Variants in SLC18A1 observed in about 807,000 individuals in gnomAD.
The protein encoded by SLC18A1 is chromaffin granule amine transporter.
A neutral mutation model predicts 53.7 loss-of-function variants in SLC18A1; 69 were observed. The observed-to-expected ratio is 1.28, with a 90% confidence interval of 1.06 to 1.57. The LOEUF (loss-of-function observed/expected upper bound fraction) is 1.57. Ranked by LOEUF, SLC18A1 falls within the 40% of genes most tolerant of loss-of-function variation. The pLI is 0.00. For missense variants in SLC18A1, 932 were observed against 668.1 expected (o/e 1.40, Z -4.35); for synonymous variants, 320 against 248.1 (o/e 1.29, Z -2.72).
intron 8 of SLC18A1, 87 bp from the exon 9 acceptor site, chr8:20,165,194 G>A: frequency 8.4e-7 from 1 of 1,186,024 alleles, no homozygotes; most frequent in Non-Finnish European, 1.3e-6. Flanking sequence ...TACAATTATG[G>A]GCTTAGAGAC....
rs145847693 is a variant in SLC18A1, at chr8:20,169,057, C to G, written c.858+2046G>C. On this transcript the variant is annotated intron_variant, in intron 8 of 15. Transcript: ENST00000276373. The stretch of plus-strand genomic sequence containing the variant: ...ACAAGGTGAAGAAGTAATTACTACA[C>G]AAGAGACCCAGACAACACCTTGACC... Among the ~76,000 whole-genome samples the G allele has an allele frequency of 5.9e-5, 9 of 152,244 alleles. No individual in the cohort carries two copies. In the East Asian group the frequency reaches 9.7e-4, roughly 16 times the overall value.
intron 3 of SLC18A1, 123 bp from the exon 4 acceptor site, chr8:20,178,616 C>G (rs2072316313): frequency 1.4e-6 from 1 of 705,182 alleles, no homozygotes; most frequent in Non-Finnish European, 2.4e-6. Flanking sequence ...AAACATGCCT[C>G]TGAATGTAGT....
intron 10 of SLC18A1, among the ~76,000 whole-genome samples, chr8:20,153,705 G>A (rs1223982281): frequency 6.6e-6 from 1 of 151,934 alleles, no homozygotes; most frequent in Non-Finnish European, 1.5e-5. Flanking sequence ...GAGTAGTGAT[G>A]GAAGAAAAAT....
intron 8 of SLC18A1, among the ~76,000 whole-genome samples, chr8:20,166,433 C>T (rs988535680): frequency 1.3e-5 from 2 of 150,060 alleles, no homozygotes; most frequent in Non-Finnish European, 3.0e-5. Context: ...AAAAAGAATA[C>T]ATAGTGTGCT....
intron 6 of SLC18A1, among the ~76,000 whole-genome samples, chr8:20,172,616 G>A (rs1234874494): frequency 1.3e-5 from 2 of 152,170 alleles, no homozygotes; most frequent in African/African-American, 4.8e-5. Context: ...GCTGTGTGAT[G>A]TTGGATGGTG....
intron 10 of SLC18A1, among the ~76,000 whole-genome samples, chr8:20,156,435 G>A (rs986498269): frequency 6.6e-6 from 1 of 152,114 alleles, no homozygotes; most frequent in Admixed American, 6.5e-5. Flanking sequence ...GACTCAGGAG[G>A]TACCCCCTTA....
chr8:20,180,094 A>G (rs906373902), intron 2 of SLC18A1, among the ~76,000 whole-genome samples: 1 of 139,766 alleles, frequency 7.2e-6, no homozygotes, highest in African/African-American at 2.8e-5. Context: ...GATGTTTAAG[A>G]TTTAAGATTA....
chr8:20,178,316 C>T (rs955988074), intron 4 of SLC18A1, 119 bp downstream of exon 4: 2 of 729,222 alleles, frequency 2.7e-6, no homozygotes, highest in Non-Finnish European at 2.3e-6. Flanking sequence ...ACCAATATTC[C>T]AGTCTGCTTA....
chr8:20,158,277 C>A (rs1229968404), intron 10 of SLC18A1, among the ~76,000 whole-genome samples: 2 of 152,230 alleles, frequency 1.3e-5, no homozygotes, highest in Non-Finnish European at 2.9e-5. Context: ...TCACTAGATA[C>A]TTCTCCCAGC....
At position 20,154,731 on chromosome 8, in the gene SLC18A1, G is replaced by C. The variant is rs115285568; in HGVS notation, c.1016-3987C>G. ...AATTTGGTAAGATCAAGAAATCTCT[G>C]AGGGCAACCCCCTTTGGGAGCTCTG... On this transcript the variant is annotated intron_variant, in intron 10 of 15. Coordinates refer to ENST00000276373, the MANE Select transcript of SLC18A1 (RefSeq NM_003053.4). Among the ~76,000 whole-genome samples the C allele has an allele frequency of 4.0e-3, 611 of 152,328 alleles. 7 individuals are homozygous for C. The highest frequency in any genetic ancestry group is 0.014 in the African/African-American group (583 of 41,562).
chr8:20,171,176 G>C, intron 7 of SLC18A1, 30 bp from the exon 8 acceptor site: 1 of 1,613,436 alleles, frequency 6.2e-7, no homozygotes, highest in Middle Eastern at 1.7e-4. Context: ...AGACAGTTCA[G>C]CGTGTCTACT....
intron 10 of SLC18A1, 47 bp from the exon 11 acceptor site, chr8:20,150,791 C>T (rs1466394962): frequency 1.3e-5 from 20 of 1,522,772 alleles, no homozygotes; most frequent in Non-Finnish European, 1.8e-5. Flanking sequence ...CCAATTTACT[C>T]TAAAATGCCT....
chr8:20,180,716 T>C (rs1160944731), intron 2 of SLC18A1, 125 bp downstream of exon 2: 3 of 1,216,630 alleles, frequency 2.5e-6, no homozygotes, highest in East Asian at 2.6e-5. Context: ...CAACAACCTC[T>C]GTGTGTTTTT....
At position 20,174,345 on chromosome 8, in the gene SLC18A1, G is replaced by A; in HGVS notation, c.631+16C>T. 6.3e-7 allele frequency: 1 copy of A among 1,578,246 alleles called. No homozygotes were observed. The highest frequency in any genetic ancestry group is 8.7e-7 in the Non-Finnish European group (1 of 1,147,272). On this transcript the variant is annotated intron_variant, in intron 5 of 15. Coordinates refer to ENST00000276373, the MANE Select transcript of SLC18A1 (RefSeq NM_003053.4). Reference sequence around the variant, plus strand: ...ATGCCTGCATGTGTGTGTGCATGATGAGTTGCCAGTGTTACCTGCAACAGA... The same window carrying A: ...ATGCCTGCATGTGTGTGTGCATGATAAGTTGCCAGTGTTACCTGCAACAGA...
rs1258011881 is a variant in SLC18A1, at chr8:20,164,963, C to T, written c.921G>A (p.Gly307=). ...CCCCCATGTTGGCAAAGCAGATGGA[C>T]CCTGGGGAGACTGTTCTGTGAGCAG... is the stretch of plus-strand genomic sequence containing the variant. ...LKDPYILVAA[G]SICFANMGVA... The change falls in exon 10 of 16, where the codon GGG becomes GGA. Residue 307 remains glycine, a splice_region_variant and synonymous_variant. Transcript: ENST00000276373. 1.9e-6 allele frequency: 3 copies of T among 1,613,848 alleles called. No homozygotes were observed. The highest frequency in any genetic ancestry group is 2.2e-5 in the East Asian group (1 of 44,882).
intron 10 of SLC18A1, among the ~76,000 whole-genome samples, chr8:20,163,267 TG>T (rs2128873660): frequency 6.6e-6 from 1 of 152,312 alleles, no homozygotes; most frequent in Non-Finnish European, 1.5e-5. Flanking sequence ...AATCCATTCA[TG>T]AGGGTGCTCC....
At chr8:20,173,149 G>T (rs771663432) in intron 5 of SLC18A1, 21 bp from the exon 6 acceptor site, 1 of 1,547,436 alleles carries the variant, frequency 6.5e-7, no homozygotes, top group Non-Finnish European at 8.7e-7. Context: ...AGTTACAGAT[G>T]CAGCTGGCCC....
intron 2 of SLC18A1, among the ~76,000 whole-genome samples, chr8:20,180,371 A>T (rs371899625): frequency 5.9e-5 from 9 of 152,232 alleles, no homozygotes; most frequent in African/African-American, 2.2e-4. Flanking sequence ...GAGAGTATCA[A>T]CTAAAAAAAG....
In SLC18A1 at chr8:20,179,253, G is replaced by A. The variant is rs769191206; in HGVS notation, c.356C>T (p.Ser119Leu). The A allele has an allele frequency of 2.5e-6, 4 of 1,614,094 alleles. No homozygotes were observed. The East Asian group carries it at 8.9e-5, about 36-fold the overall frequency. The part of the protein sequence containing the change: ...TIPPPATEAI[S>L]AHKNNCLQGT... ...TTGCAAGCAGTTGTTTTTATGAGCTGAGATGGCTTCAGTGGCTGGAGGTGG... is the reference window on the plus strand; with the variant it reads ...TTGCAAGCAGTTGTTTTTATGAGCTAAGATGGCTTCAGTGGCTGGAGGTGG... The change falls in exon 3 of 16, where the codon TCA becomes TTA. Residue 119 changes from serine to leucine, a missense_variant. Ser to Leu is a moderately radical substitution (Grantham distance 145). Coordinates refer to ENST00000276373, the MANE Select transcript of SLC18A1 (RefSeq NM_003053.4).
Sources: allele counts gnomAD v4.1 joint callset (sites outside exome capture counted in the v4.1 genomes callset), GRCh38; gene constraint gnomAD v4.1.1; transcripts MANE v1.5; gene names NCBI Gene and HGNC (gene_info 2026-07-23, HGNC 2026-07-21).